The following GLOD4 variants were observed in gnomAD, a reference collection of about 807,000 sequenced individuals.
The protein encoded by GLOD4 is glyoxalase domain containing 4, also known as glyoxalase domain-containing protein 4.
Under a neutral mutation model 39.1 loss-of-function variants are expected in GLOD4, and 44 were observed. The ratio of observed to expected loss-of-function variants is 1.13; its 90% CI spans 0.88 to 1.45. The LOEUF (loss-of-function observed/expected upper bound fraction) is 1.45. Ranked by LOEUF, GLOD4 falls within the 40% of genes most tolerant of loss-of-function variation. The probability of loss-of-function intolerance (pLI) is 0.00; values close to 1 mark genes in which losing one functional copy is unlikely to be tolerated. For synonymous variants in GLOD4, 145 were observed against 135.0 expected, an observed-to-expected ratio of 1.07 and a Z score of -0.52; for missense variants, 405 against 366.4, an observed-to-expected ratio of 1.11 and a Z score of -0.86.
upstream of GLOD4, chr17:783,239 C>T (rs1224740890): frequency 6.2e-7 from 1 of 1,613,828 alleles, no homozygotes; most frequent in South Asian, 1.1e-5. Context: ...AGTTGCCAGT[C>T]GATAAGCTGA....
intron 8 of GLOD4, among the ~76,000 whole-genome samples, chr17:765,563 C>T (rs1054923167): frequency 5.3e-5 from 8 of 150,972 alleles, no homozygotes; most frequent in Non-Finnish European, 1.2e-4. Context: ...GGCGCAGTGG[C>T]TCACGCCTAT....
At chr17:775,394 GAAC>G (rs1908731338) in intron 4 of GLOD4, among the ~76,000 whole-genome samples, 1 of 152,214 alleles carries the variant, frequency 6.6e-6, no homozygotes, top group African/African-American at 2.4e-5. Context: ...TACCCGCAGA[GAAC>G]AACAGAACGT....
chr17:785,006 A>G (rs1448068124), upstream of GLOD4, among the ~76,000 whole-genome samples: 1 of 152,220 alleles, frequency 6.6e-6, no homozygotes. Context: ...TATTTCATTC[A>G]TCTCCTGACT....
At chr17:772,041 T>C (rs1315520550) in intron 4 of GLOD4, among the ~76,000 whole-genome samples, 1 of 137,248 alleles carries the variant, frequency 7.3e-6, no homozygotes, top group African/African-American at 2.7e-5. Flanking sequence ...AAAAAAAGAT[T>C]AGACAGGCGT....
In GLOD4 at chr17:781,173, G is replaced by T. The variant is rs575400142; in HGVS notation, c.90+993C>A. On this transcript the variant is annotated intron_variant, in intron 1 of 8. Coordinates refer to ENST00000301329, the MANE Select transcript of GLOD4 (RefSeq NM_016080.4). Reference sequence around the variant, plus strand: ...TGACCTCCAGTGATCCACCCGCCTTGGCCTCCCAAAGTGCTGAGATTACAG... The same window carrying T: ...TGACCTCCAGTGATCCACCCGCCTTTGCCTCCCAAAGTGCTGAGATTACAG... 1.1e-4 allele frequency among the ~76,000 whole-genome samples: 16 copies of T among 152,142 alleles called. No individual in the cohort carries two copies. In the East Asian group the frequency reaches 3.1e-3, roughly 29 times the overall value.
chr17:774,269 A>G (rs979241490), intron 4 of GLOD4, among the ~76,000 whole-genome samples: 16 of 152,166 alleles, frequency 1.1e-4, no homozygotes, highest in Non-Finnish European at 1.5e-5. Flanking sequence ...GGAGCACTGA[A>G]CATTCTACAG....
chr17:783,320 A>G (rs757923710), upstream of GLOD4: 15 of 1,610,264 alleles, frequency 9.3e-6, no homozygotes, highest in African/African-American at 2.7e-5. Flanking sequence ...CGCCACAAGG[A>G]ATAATGGGTT....
rs571319260 is a variant in GLOD4 at position 765,715 on chromosome 17, G to A, written c.831+4154C>T. On this transcript the variant is annotated intron_variant, in intron 8 of 8. Coordinates refer to ENST00000301329, the MANE Select transcript of GLOD4 (RefSeq NM_016080.4). ...CGCCTCGGCCTCCCAAAGGGCTGGG[G>A]TTACAGGTGTGAGCCACCGCACCCG... Among the ~76,000 whole-genome samples the A allele has an allele frequency of 4.7e-5, 7 of 150,154 alleles. No individual in the cohort carries two copies. The East Asian group carries it at 8.7e-4, about 19-fold the overall frequency.
At chr17:762,509 T>C (rs1905664529) in intron 8 of GLOD4, among the ~76,000 whole-genome samples, 1 of 138,394 alleles carries the variant, frequency 7.2e-6, no homozygotes, top group African/African-American at 2.7e-5. Context: ...ACTCAGTGCG[T>C]GATCTTCAGG....
upstream of GLOD4, chr17:783,386 G>A: frequency 6.6e-7 from 1 of 1,504,884 alleles, no homozygotes; most frequent in Non-Finnish European, 8.9e-7. Context: ...ACCCAGGCTG[G>A]AGTGCAATGG....
chr17:765,739 C>A (rs897075112), intron 8 of GLOD4, among the ~76,000 whole-genome samples: 3 of 151,818 alleles, frequency 2.0e-5, no homozygotes, highest in African/African-American at 7.2e-5. Flanking sequence ...CCACCGCACC[C>A]GGCCTACTCA....
At chr17:780,561 A>G (rs1909710607) in intron 1 of GLOD4, 1 of 152,144 alleles carries the variant, frequency 6.6e-6, no homozygotes, top group African/African-American at 2.4e-5. Context: ...TAACACGGTG[A>G]AACCCCGTCT....
At chr17:779,261 C>T (rs1451055344) in intron 1 of GLOD4, among the ~76,000 whole-genome samples, 1 of 137,924 alleles carries the variant, frequency 7.3e-6, no homozygotes, top group Non-Finnish European at 1.5e-5. Context: ...TTGCAGTGAG[C>T]CGAGATCGTG....
intron 1 of GLOD4, 136 bp from the exon 2 acceptor site, chr17:778,880 T>G (rs1336049451): frequency 1.8e-5 from 11 of 609,588 alleles, no homozygotes; most frequent in Non-Finnish European, 3.2e-5. Flanking sequence ...CAAATGAGCT[T>G]TACACTTCTC....
chr17:767,842 A>C (rs1404984050), intron 8 of GLOD4, among the ~76,000 whole-genome samples: 1 of 145,716 alleles, frequency 6.9e-6, no homozygotes, highest in African/African-American at 2.6e-5. Context: ...GTGAGAGAGA[A>C]ACAGCGCGCA....
At position 759,644 on chromosome 17, in the gene GLOD4, AAG is replaced by A. The variant is rs574300749; in HGVS notation, c.*527_*528del. ...GGACACTCAAAATGTGAAAGCAAGT[AAG>A]AGGGGGGTGGTTAACCAAACCTTTT... On this transcript the variant is annotated 3_prime_UTR_variant, in exon 9 of 9. Transcript: ENST00000301329. The A allele has an allele frequency of 5.8e-4, 88 of 152,812 alleles. No homozygotes were observed. The highest frequency in any genetic ancestry group is 1.9e-3 in the African/African-American group (79 of 41,582). The allele number at this position is 152,812 out of a possible 1,614,324, so 9.5% of individuals were successfully genotyped here.
chr17:782,605 T>G, upstream of GLOD4: 1 of 1,613,954 alleles, frequency 6.2e-7, no homozygotes, highest in Non-Finnish European at 8.5e-7. Context: ...AAACAACCGC[T>G]CGAGGAGTCC....
intron 8 of GLOD4, among the ~76,000 whole-genome samples, chr17:768,835 AG>A (rs1422341914): frequency 2.8e-4 from 39 of 141,776 alleles, no homozygotes; most frequent in African/African-American, 1.0e-3. Flanking sequence ...AGAGGACGTG[AG>A]AGAGAGAAAC....
At chr17:777,971 G>A (rs1909239163) in intron 2 of GLOD4, among the ~76,000 whole-genome samples, 1 of 152,114 alleles carries the variant, frequency 6.6e-6, no homozygotes. Context: ...TGGAGACTGG[G>A]CTCTATTAGG....
Sources: gnomAD v4.1 joint callset for allele counts (sites outside exome capture counted in the v4.1 genomes callset) on GRCh38, gnomAD v4.1.1 for gene constraint, MANE v1.5 for transcripts, NCBI Gene and HGNC (gene_info 2026-07-23, HGNC 2026-07-21) for gene names.